Variants in THSD4 observed in about 807,000 individuals in gnomAD.
THSD4 encodes the protein thrombospondin type-1 domain-containing protein 4.
A neutral mutation model predicts 119.0 loss-of-function variants in THSD4; 69 were observed. That is an observed-to-expected ratio of 0.58 (90% CI 0.48 to 0.71). The LOEUF (loss-of-function observed/expected upper bound fraction) is 0.71. Among genes scored for constraint, THSD4 ranks in the 30% least tolerant of loss-of-function variants. THSD4 has a pLI of 0.00. For synonymous variants in THSD4, 524 were observed against 540.4 expected (o/e 0.97, Z 0.42); for missense variants, 1,393 against 1,391.1 (o/e 1.00, Z -0.02).
intron 7 of THSD4, among the ~76,000 whole-genome samples, chr15:71,575,470 TAAATA>T (rs1255183632): frequency 1.3e-5 from 2 of 152,198 alleles, no homozygotes; most frequent in African/African-American, 2.4e-5. Flanking sequence ...CAGTAGGTGA[TAAATA>T]AAATCACTAA....
chr15:71,567,556 C>T (rs539092402), intron 7 of THSD4, among the ~76,000 whole-genome samples: 1 of 151,380 alleles, frequency 6.6e-6, no homozygotes, highest in East Asian at 1.9e-4. Context: ...AGCATTACCT[C>T]TTTAGCACTT....
At chr15:71,711,188 T>G (rs1244117439) in intron 8 of THSD4, among the ~76,000 whole-genome samples, 1 of 151,362 alleles carries the variant, frequency 6.6e-6, no homozygotes, top group African/African-American at 2.4e-5. Flanking sequence ...TGAAGGACCT[T>G]TATTTTGTGT....
In THSD4 at chr15:71,780,581, C is replaced by G. The variant is rs1316259150; in HGVS notation, c.*3207C>G. The stretch of plus-strand genomic sequence containing the variant: ...TTTAAAGCCAGCCACTAGAGGGAGT[C>G]AGTTCAGTTCCGTAAAGGTATGCTC... On this transcript the variant is annotated 3_prime_UTR_variant, in exon 18 of 18. Transcript: ENST00000261862. The G allele has an allele frequency of 2.5e-6, 1 of 407,002 alleles. No homozygotes were observed. The highest frequency in any genetic ancestry group is 4.9e-6 in the Non-Finnish European group (1 of 205,134). 25.2% of individuals were successfully genotyped at this position (407,002 alleles called of 1,614,324 possible).
At chr15:71,704,944 A>G (rs1162720037) in intron 8 of THSD4, among the ~76,000 whole-genome samples, 1 of 152,246 alleles carries the variant, frequency 6.6e-6, no homozygotes. Context: ...TAGGGAAGGA[A>G]TAAAAAGTCC....
intron 1 of THSD4, among the ~76,000 whole-genome samples, chr15:71,122,104 C>T (rs955348400): frequency 3.3e-5 from 5 of 152,066 alleles, no homozygotes; most frequent in Admixed American, 2.6e-4. Flanking sequence ...GACAAGTACC[C>T]AGGACCTGCT....
At chr15:71,772,357 C>T (rs1481876304) in intron 17 of THSD4, among the ~76,000 whole-genome samples, 1 of 151,976 alleles carries the variant, frequency 6.6e-6, no homozygotes, top group Admixed American at 6.5e-5. Context: ...GATGACCATT[C>T]CCAGTAGCTA....
chr15:71,109,398 G>A (rs770626453), intron 1 of THSD4, among the ~76,000 whole-genome samples: 2 of 152,188 alleles, frequency 1.3e-5, no homozygotes, highest in Non-Finnish European at 1.5e-5. Flanking sequence ...CTCTGAGTAT[G>A]TCATCTTTTC....
chr15:71,532,473 G>A (rs2048628556), intron 7 of THSD4, among the ~76,000 whole-genome samples: 1 of 130,882 alleles, frequency 7.6e-6, no homozygotes, highest in Non-Finnish European at 1.6e-5. Flanking sequence ...GCCATGCCCA[G>A]CAATTTTTTT....
intron 6 of THSD4, among the ~76,000 whole-genome samples, chr15:71,282,630 T>C (rs2044666935): frequency 6.6e-6 from 1 of 152,086 alleles, no homozygotes; most frequent in South Asian, 2.1e-4. Flanking sequence ...CCATTCCACT[T>C]TACACTCTAC....
intron 6 of THSD4, among the ~76,000 whole-genome samples, chr15:71,372,407 GT>G (rs1411525510): frequency 3.9e-5 from 6 of 152,130 alleles, no homozygotes; most frequent in African/African-American, 1.4e-4. Context: ...CATCTTTGTG[GT>G]TTCATCTACT....
intron 7 of THSD4, among the ~76,000 whole-genome samples, chr15:71,486,054 GAGTA>G (rs946196098): frequency 2.0e-5 from 3 of 152,126 alleles, no homozygotes; most frequent in African/African-American, 7.2e-5. Context: ...ATAATTGCAT[GAGTA>G]AGAGGTGATT....
chr15:71,554,674 G>A (rs542832513), intron 7 of THSD4, among the ~76,000 whole-genome samples: 19 of 151,816 alleles, frequency 1.3e-4, no homozygotes, highest in Non-Finnish European at 2.4e-4. Flanking sequence ...AAGATTACAG[G>A]TGTGAGCCAC....
At chr15:71,561,666 T>C (rs919844975) in intron 7 of THSD4, among the ~76,000 whole-genome samples, 1 of 151,972 alleles carries the variant, frequency 6.6e-6, no homozygotes, top group South Asian at 2.1e-4. Context: ...CAGGCTCCGA[T>C]TGGAGAGAAA....
chr15:71,395,914 G>GAGACACACACACACACACAC (rs535919434), intron 6 of THSD4, among the ~76,000 whole-genome samples: 2 of 133,296 alleles, frequency 1.5e-5, no homozygotes, highest in African/African-American at 2.9e-5. Flanking sequence ...TTTGAAGAGA[G>GAGACACACACACACACACAC]ACACACACAC....
chr15:71,594,686 G>A (rs370113305), intron 7 of THSD4, among the ~76,000 whole-genome samples: 52 of 152,324 alleles, frequency 3.4e-4, no homozygotes, highest in African/African-American at 1.2e-3. Flanking sequence ...GATCGCTGGT[G>A]CTCAGACCTC....
intron 7 of THSD4, among the ~76,000 whole-genome samples, chr15:71,497,674 C>G (rs542729141): frequency 1.3e-5 from 2 of 152,264 alleles, no homozygotes; most frequent in South Asian, 4.2e-4. Context: ...GAACGACTTT[C>G]CCTGTGGAAA....
intron 4 of THSD4, among the ~76,000 whole-genome samples, chr15:71,236,286 C>G (rs915874155): frequency 1.3e-5 from 2 of 152,226 alleles, no homozygotes; most frequent in African/African-American, 4.8e-5. Context: ...GGTAGGAAGC[C>G]CCCCTATAGC....
chr15:71,156,281 G>A (rs1333035365), intron 3 of THSD4, among the ~76,000 whole-genome samples: 1 of 150,840 alleles, frequency 6.6e-6, no homozygotes, highest in Non-Finnish European at 1.5e-5. Context: ...TTTTGAGATG[G>A]AGTTTCGCTC....
At chr15:71,470,101 G>A (rs2047553705) in intron 7 of THSD4, among the ~76,000 whole-genome samples, 1 of 152,142 alleles carries the variant, frequency 6.6e-6, no homozygotes, top group African/African-American at 2.4e-5. Context: ...AGTATAAGAG[G>A]TTCCCTACCT....
Sources: gnomAD v4.1 joint callset for allele counts (sites outside exome capture counted in the v4.1 genomes callset) on GRCh38, gnomAD v4.1.1 for gene constraint, MANE v1.5 for transcripts, NCBI Gene and HGNC (gene_info 2026-07-23, HGNC 2026-07-21) for gene names.